Variants in DCHS2 observed in about 807,000 individuals in gnomAD.
DCHS2 encodes dachsous cadherin-related 2, also known as protocadherin-23.
Under a neutral mutation model 182.4 loss-of-function variants are expected in DCHS2, and 142 were observed. The observed-to-expected ratio is 0.78, with a 90% CI of 0.68 to 0.89. The LOEUF (loss-of-function observed/expected upper bound fraction) is 0.89. DCHS2 is among the 40% of genes least tolerant of loss of function. DCHS2 has a pLI of 0.00. For synonymous variants in DCHS2, 1,740 were observed against 1,663.3 expected, an observed-to-expected ratio of 1.05 and a Z score of -1.12; for missense variants, 4,319 against 4,198.6, an observed-to-expected ratio of 1.03 and a Z score of -0.79.
At chr4:154,378,498 T>TA (rs1731017429) in intron 1 of DCHS2, among the ~76,000 whole-genome samples, 1 of 23,188 alleles carries the variant, frequency 4.3e-5, no homozygotes, top group African/African-American at 1.5e-4. Context: ...GGAGGGAGGG[T>TA]GGGAAGGAAG....
At position 154,419,361 on chromosome 4, in the gene DCHS2, T is replaced by C. The variant is rs368446505; in HGVS notation, c.2053-41917A>G. ...ATGAGGAACTCAAGCAACTTTTACA[T>C]TGTGTGAAAAATGAGATGCAGCAAT... On this transcript the variant is annotated intron_variant, in intron 1 of 19. Coordinates refer to ENST00000357232, the MANE Select transcript of DCHS2 (RefSeq NM_001358235.2). 3.4e-3 allele frequency among the ~76,000 whole-genome samples: 510 copies of C among 152,230 alleles called. 5 individuals carry two copies. The highest frequency in any genetic ancestry group is 0.011 in the African/African-American group (461 of 41,544).
intron 1 of DCHS2, among the ~76,000 whole-genome samples, chr4:154,396,012 C>T (rs1041455050): frequency 2.0e-5 from 3 of 152,224 alleles, no homozygotes; most frequent in Middle Eastern, 3.4e-3. Flanking sequence ...GGAAATTGAG[C>T]GAGGTAAACA....
intron 5 of DCHS2, among the ~76,000 whole-genome samples, chr4:154,331,378 G>GA (rs1373791209): frequency 1.3e-5 from 2 of 151,968 alleles, no homozygotes; most frequent in South Asian, 4.1e-4. Flanking sequence ...TTATTTTAAA[G>GA]AAAAAAACAA....
chr4:154,380,342 A>G (rs998369118), intron 1 of DCHS2, among the ~76,000 whole-genome samples: 15 of 152,174 alleles, frequency 9.9e-5, no homozygotes, highest in Non-Finnish European at 4.4e-5. Flanking sequence ...GTTGGGCTGA[A>G]GCAGGAAATC....
At chr4:154,321,367 A>C in intron 8 of DCHS2, 145 bp from the exon 9 acceptor site, 2 of 915,886 alleles carry the variant, frequency 2.2e-6, no homozygotes, top group Non-Finnish European at 3.0e-6. Context: ...TTTTTATATT[A>C]TATAATTCCA....
chr4:154,321,267 A>G, intron 8 of DCHS2, 45 bp from the exon 9 acceptor site: 2 of 1,436,106 alleles, frequency 1.4e-6, no homozygotes, highest in Non-Finnish European at 1.8e-6. Flanking sequence ...TATTTTTAAA[A>G]CAGTTTAATG....
intron 13 of DCHS2, among the ~76,000 whole-genome samples, chr4:154,278,090 T>C (rs1350104167): frequency 6.6e-6 from 1 of 150,708 alleles, no homozygotes; most frequent in Non-Finnish European, 1.5e-5. Flanking sequence ...CTCAATGCAC[T>C]ACAAGAGAAC....
chr4:154,239,421 C>A (rs1281930742), intron 18 of DCHS2, 119 bp from the exon 19 acceptor site: 2 of 1,456,964 alleles, frequency 1.4e-6, no homozygotes, highest in Non-Finnish European at 1.8e-6. Flanking sequence ...TACAATACAA[C>A]CTGACTTTGT....
intron 14 of DCHS2, among the ~76,000 whole-genome samples, chr4:154,268,108 A>AT (rs925046555): frequency 1.9e-4 from 29 of 151,946 alleles, no homozygotes; most frequent in African/African-American, 6.8e-4. Flanking sequence ...ACTAGCACAA[A>AT]TTTTTTTTTC....
Position 154,321,236 on chromosome 4 carries a change from A to G in DCHS2, c.4177-14T>C. On this transcript the variant is annotated splice_polypyrimidine_tract_variant and intron_variant, in intron 8 of 19. Coordinates refer to ENST00000357232, the MANE Select transcript of DCHS2 (RefSeq NM_001358235.2). ...TAGTGGGATCACCTGAAATACGAAT[A>G]AAAGAGATATTAATTTGGGGTATTT... 1 of 1,467,580 alleles carries G rather than the reference A, an allele frequency of 6.8e-7. No individual in the cohort carries two copies. Among genetic ancestry groups the G allele is most frequent in the Non-Finnish European group, 9.0e-7 (1 of 1,108,880 alleles). The allele number at this position is 1,467,580 out of a possible 1,614,324, so 90.9% of individuals were successfully genotyped here. A position where few individuals can be genotyped will look rare whatever the true frequency, so the allele number is the denominator to read the frequency against.
At chr4:154,363,804 G>T (rs1050308416) in intron 3 of DCHS2, among the ~76,000 whole-genome samples, 2 of 152,220 alleles carry the variant, frequency 1.3e-5, no homozygotes, top group African/African-American at 4.8e-5. Context: ...ACACCACCTT[G>T]TACGCCATAA....
chr4:154,419,566 G>A lies in DCHS2; in HGVS notation c.2053-42122C>T, dbSNP rs531806624. ...CTTGGGAGGCTGAGGCAGGAGAATCGTTGAACCTGGAAGGCGGAGGTTGCA... is the reference window on the plus strand; with the variant it reads ...CTTGGGAGGCTGAGGCAGGAGAATCATTGAACCTGGAAGGCGGAGGTTGCA... On this transcript the variant is annotated intron_variant, in intron 1 of 19. Coordinates refer to ENST00000357232, the MANE Select transcript of DCHS2 (RefSeq NM_001358235.2). Among the ~76,000 whole-genome samples, 22 of 139,684 alleles carry A rather than the reference G, an allele frequency of 1.6e-4. No individual in the cohort carries two copies. The South Asian group carries it at 2.6e-3, about 17-fold the overall frequency. The allele number at this position is 139,684 out of a possible 152,430, so 91.6% of individuals were successfully genotyped here. A position where few individuals can be genotyped will look rare whatever the true frequency, so the allele number is the denominator to read the frequency against.
intron 14 of DCHS2, chr4:154,262,054 T>C (rs1044936361): frequency 6.6e-6 from 1 of 152,202 alleles, no homozygotes; most frequent in Non-Finnish European, 1.5e-5. Flanking sequence ...CTGGCTATCA[T>C]GTTCTGTTAC....
intron 1 of DCHS2, among the ~76,000 whole-genome samples, chr4:154,442,457 G>GA: frequency 6.7e-6 from 1 of 149,872 alleles, no homozygotes; most frequent in East Asian, 2.0e-4. Context: ...ATGACCTCAG[G>GA]AAAATCCCCT....
In DCHS2 at chr4:154,259,698, T is replaced by C. The variant is rs1338940324; in HGVS notation, c.6636A>G (p.Gln2212=). Reference sequence around the variant, plus strand: ...CACTACTTTCAGCTAAAACGATGAGTTGAACCTCATTTCTGACTTCAAAAT... The same window carrying C: ...CACTACTTTCAGCTAAAACGATGAGCTGAACCTCATTTCTGACTTCAAAAT... ...FLDFEVRNEV[Q]LIVLAESSGH... is the part of the protein sequence containing the mutation. Residue 2212 remains glutamine, a synonymous_variant, in exon 15 of 20, where the codon CAA becomes CAG. Transcript: ENST00000357232. 1 of 1,613,960 alleles carries C rather than the reference T, an allele frequency of 6.2e-7. No individual in the cohort carries two copies. The highest frequency in any genetic ancestry group is 1.3e-5 in the African/African-American group (1 of 74,918).
rs1335292906 is a variant in DCHS2 at position 154,334,849 on chromosome 4, A to G, written c.2713+19T>C. 1.3e-6 allele frequency: 2 copies of G among 1,552,404 alleles called. No individual in the cohort carries two copies. The highest frequency in any genetic ancestry group is 1.8e-6 in the Non-Finnish European group (2 of 1,124,438). ...TTCCAATAATGGAATTCCATGCAGC[A>G]TAAGAAATAAGTACTTACTCAAGGG... On this transcript the variant is annotated intron_variant, in intron 4 of 19. Coordinates refer to ENST00000357232, the MANE Select transcript of DCHS2 (RefSeq NM_001358235.2).
chr4:154,406,794 G>T (rs529876268), intron 1 of DCHS2, among the ~76,000 whole-genome samples: 1 of 152,246 alleles, frequency 6.6e-6, no homozygotes, highest in African/African-American at 2.4e-5. Flanking sequence ...GGACAACATT[G>T]TCAATTTCCC....
At chr4:154,327,252 A>G (rs1363760152) in intron 7 of DCHS2, among the ~76,000 whole-genome samples, 1 of 152,126 alleles carries the variant, frequency 6.6e-6, no homozygotes, top group Non-Finnish European at 1.5e-5. Flanking sequence ...TAGCTTCATT[A>G]GTTTCACAGT....
intron 1 of DCHS2, among the ~76,000 whole-genome samples, chr4:154,378,817 A>T (rs912363512): frequency 1.3e-5 from 2 of 152,164 alleles, no homozygotes; most frequent in African/African-American, 4.8e-5. Flanking sequence ...ACACCTTGTC[A>T]TATAATCCTT....
Sources: allele counts gnomAD v4.1 joint callset (sites outside exome capture counted in the v4.1 genomes callset), GRCh38; gene constraint gnomAD v4.1.1; transcripts MANE v1.5; gene names NCBI Gene and HGNC (gene_info 2026-07-23, HGNC 2026-07-21).